DNMT3A: variants seen among roughly 807,000 people sequenced by gnomAD.
The protein encoded by DNMT3A is DNA (cytosine-5)-methyltransferase 3A.
A neutral mutation model predicts 117.6 loss-of-function variants in DNMT3A; 267 were observed. The ratio of observed to expected loss-of-function variants is 2.27; its 90% confidence interval spans 2.05 to 2.51. The LOEUF (loss-of-function observed/expected upper bound fraction) is 2.51. Among genes scored for constraint, DNMT3A ranks in the 30% most tolerant of loss-of-function variants. DNMT3A has a pLI of 0.00. For missense variants in DNMT3A, 1,029 were observed against 1,260.2 expected (o/e 0.82, Z 2.78); for synonymous variants, 432 against 474.8 (o/e 0.91, Z 1.17).
rs3039391 is a variant in DNMT3A at position 25,300,712 on chromosome 2, AATATATATATATATATATATATATATAT to A, written c.73-497_73-470del. ...ATATATTTATATATCTAAATAATAT[AATATATATATATATATATATATATATAT>A]ATATATATATATATATATATATATA... On this transcript the variant is annotated intron_variant, in intron 2 of 22. Transcript: ENST00000321117. 5.2e-3 allele frequency among the ~76,000 whole-genome samples: 98 copies of A among 18,920 alleles called. 6 individuals carry two copies. The highest frequency in any genetic ancestry group is 0.019 in the East Asian group (6 of 308). The allele number at this position is 18,920 out of a possible 152,430, so 12.4% of individuals were successfully genotyped here. A position where few individuals can be genotyped will look rare whatever the true frequency, so the allele number is the denominator to read the frequency against.
Position 25,281,914 on chromosome 2 carries a change from G to A in DNMT3A, c.448+527C>T, listed in dbSNP as rs369874018. The A allele has an allele frequency of 1.4e-4, 155 of 1,072,482 alleles. No individual in the cohort carries two copies. In the South Asian group the frequency reaches 4.9e-3, roughly 34 times the overall value. 66.4% of individuals were successfully genotyped at this position (1,072,482 alleles called of 1,614,324 possible). On this transcript the variant is annotated intron_variant, in intron 4 of 22. Coordinates refer to ENST00000321117, the MANE Select transcript of DNMT3A (RefSeq NM_022552.5). The surrounding 1 kb of genome is among the most constrained non-coding windows in gnomAD (Gnocchi z 4.8). ...CAGTTGAGTCAGCCCAACTAGGGTG[G>A]GCTCAGGACCTCTGCACTCAGGGAG...
chr2:25,258,683 G>C (rs1446766958), intron 6 of DNMT3A, among the ~76,000 whole-genome samples: 1 of 152,200 alleles, frequency 6.6e-6, no homozygotes. Context: ...GGAACTCAGA[G>C]GCAGCTGGGA....
At chr2:25,262,311 TG>T (rs1676689748) in intron 6 of DNMT3A, among the ~76,000 whole-genome samples, 1 of 152,092 alleles carries the variant, frequency 6.6e-6, no homozygotes, top group Non-Finnish European at 1.5e-5. Context: ...TTAAAGACCT[TG>T]CGGTAGACAG....
chr2:25,295,037 C>T (rs2033006617), intron 3 of DNMT3A, among the ~76,000 whole-genome samples: 1 of 152,204 alleles, frequency 6.6e-6, no homozygotes, highest in Non-Finnish European at 1.5e-5. Context: ...CCCCACAGGG[C>T]CACTCACCCC....
intron 17 of DNMT3A, among the ~76,000 whole-genome samples, 161 bp from the exon 18 acceptor site, chr2:25,240,891 A>G (rs921106013): frequency 6.6e-6 from 1 of 152,230 alleles, no homozygotes; most frequent in Non-Finnish European, 1.5e-5. Flanking sequence ...AACCATGGAC[A>G]AGTCCTAAAC....
intron 6 of DNMT3A, among the ~76,000 whole-genome samples, chr2:25,256,814 T>C (rs1445621505): frequency 2.0e-5 from 3 of 152,238 alleles, no homozygotes; most frequent in Admixed American, 6.5e-5. Flanking sequence ...GCGAAGGTGA[T>C]TGTGTACTCA....
chr2:25,295,442 C>T (rs1041286510), intron 3 of DNMT3A, among the ~76,000 whole-genome samples: 3 of 152,262 alleles, frequency 2.0e-5, no homozygotes, highest in Non-Finnish European at 2.9e-5. Context: ...TTTAAGCAGG[C>T]GCACCTCTTT....
At chr2:25,330,404 G>A (rs938420313) in intron 1 of DNMT3A, among the ~76,000 whole-genome samples, 4 of 152,142 alleles carry the variant, frequency 2.6e-5, no homozygotes, top group Non-Finnish European at 4.4e-5. Flanking sequence ...GGCCTTCTTG[G>A]CAGCATCAAC....
intron 2 of DNMT3A, among the ~76,000 whole-genome samples, chr2:25,309,000 C>CACACAT (rs57618482): frequency 6.6e-6 from 1 of 151,244 alleles, no homozygotes; most frequent in African/African-American, 2.4e-5. Flanking sequence ...CACACACACA[C>CACACAT]GCACGCACAT....
intron 6 of DNMT3A, among the ~76,000 whole-genome samples, chr2:25,264,752 A>G (rs535804354): frequency 1.3e-3 from 199 of 152,050 alleles, no homozygotes; most frequent in Non-Finnish European, 2.5e-3. Context: ...GTGAGCCACC[A>G]CCCCCGGCCA....
rs924356094 is a variant in DNMT3A at position 25,293,306 on chromosome 2, C to T, written c.177+6833G>A. ...GCCCCTGCCCCCTCCCCTCTCCCAG[C>T]ATGTGCTCATGCTCAGGGATGAACG... On this transcript the variant is annotated intron_variant, in intron 3 of 22. Transcript: ENST00000321117. The surrounding 1 kb of genome is among the most constrained non-coding windows in gnomAD (Gnocchi z 4.7). Among the ~76,000 whole-genome samples the T allele has an allele frequency of 2.0e-5, 3 of 152,222 alleles. No individual in the cohort carries two copies. In the South Asian group the frequency reaches 6.2e-4, roughly 32 times the overall value.
rs2034252325 is a variant in DNMT3A, at chr2:25,313,843, C to T, written c.72+70G>A. 5.8e-6 allele frequency: 9 copies of T among 1,547,140 alleles called. No individual in the cohort carries two copies. The South Asian group carries it at 8.4e-5, about 14-fold the overall frequency. On this transcript the variant is annotated intron_variant, in intron 2 of 22. Coordinates refer to ENST00000321117, the MANE Select transcript of DNMT3A (RefSeq NM_022552.5). ...TCATGCACTCAGTATGAGGAGCCGG[C>T]TGTCATCACATAGGGACAGGGCTCT...
intron 6 of DNMT3A, among the ~76,000 whole-genome samples, chr2:25,271,485 C>T (rs2030901766): frequency 6.6e-6 from 1 of 152,248 alleles, no homozygotes; most frequent in Non-Finnish European, 1.5e-5. Flanking sequence ...TTCCTAACCC[C>T]AGGCATAGCC....
At position 25,293,123 on chromosome 2, in the gene DNMT3A, C is replaced by T. The variant is rs2032884709; in HGVS notation, c.177+7016G>A. On this transcript the variant is annotated intron_variant, in intron 3 of 22. Coordinates refer to ENST00000321117, the MANE Select transcript of DNMT3A (RefSeq NM_022552.5). The surrounding 1 kb of genome is among the most constrained non-coding windows in gnomAD (Gnocchi z 4.7). ...TTCCCCATCTGCTCCCTTCCAGAAG[C>T]CTTGTCTCTGACAACAACGCTGATG... Among the ~76,000 whole-genome samples the T allele has an allele frequency of 6.6e-6, 1 of 152,206 alleles. No homozygotes were observed. The highest frequency in any genetic ancestry group is 2.4e-5 in the African/African-American group (1 of 41,452).
At chr2:25,292,885 C>T (rs1323418217) in intron 3 of DNMT3A, among the ~76,000 whole-genome samples, 4 of 152,180 alleles carry the variant, frequency 2.6e-5, no homozygotes, top group East Asian at 1.9e-4. Flanking sequence ...AGGTGGAGCC[C>T]GGGCCCTAGA....
At position 25,231,558 on chromosome 2, in the gene DNMT3A, T is replaced by C. The variant is rs1041122703; in HGVS notation, c.*2721A>G. ...TGTCACTAATTACTAATTTGGTTTA[T>C]TCAATAGGTGAGGTTCACTGTCCCA... is the stretch of plus-strand genomic sequence containing the variant. On this transcript the variant is annotated 3_prime_UTR_variant, in exon 23 of 23. Coordinates refer to ENST00000321117, the MANE Select transcript of DNMT3A (RefSeq NM_022552.5). 6.6e-6 allele frequency: 1 copy of C among 152,248 alleles called. No individual in the cohort carries two copies. The highest frequency in any genetic ancestry group is 2.4e-5 in the African/African-American group (1 of 41,458). The allele number at this position is 152,248 out of a possible 1,614,324, so 9.4% of individuals were successfully genotyped here.
intron 16 of DNMT3A, among the ~76,000 whole-genome samples, chr2:25,242,312 A>G (rs182579716): frequency 6.7e-4 from 102 of 152,120 alleles, no homozygotes; most frequent in Admixed American, 1.8e-3. Context: ...CGAGCTAACC[A>G]CACAGATTTC....
At chr2:25,274,719 G>C (rs1282049278) in intron 6 of DNMT3A, among the ~76,000 whole-genome samples, 1 of 152,254 alleles carries the variant, frequency 6.6e-6, no homozygotes, top group African/African-American at 2.4e-5. Flanking sequence ...AACTCCATGA[G>C]AGCAGGAACC....
At chr2:25,289,151 C>T (rs1053572117) in intron 3 of DNMT3A, among the ~76,000 whole-genome samples, 5 of 150,782 alleles carry the variant, frequency 3.3e-5, no homozygotes, top group African/African-American at 9.8e-5. Flanking sequence ...GTTGCCCAGG[C>T]GAGTGCAGTG....
Sources: allele counts gnomAD v4.1 joint callset (sites outside exome capture counted in the v4.1 genomes callset), GRCh38; gene constraint gnomAD v4.1.1; non-coding constraint Gnocchi (gnomAD v3.1); transcripts MANE v1.5; gene names NCBI Gene and HGNC (gene_info 2026-07-23, HGNC 2026-07-21).